PCDH11Y: variants seen among roughly 807,000 people sequenced by gnomAD.
PCDH11Y encodes the protein protocadherin-11 Y-linked.
For synonymous variants in PCDH11Y, 9 were observed against 83.6 expected (o/e 0.11, Z 4.87); for missense variants, 12 against 224.8 (o/e 0.05, Z 6.05).
At chrY:5,471,082 C>T in intron 2 of PCDH11Y, among the ~76,000 whole-genome samples, 1 of 32,363 alleles carries the variant, frequency 3.1e-5, no homozygotes, top group East Asian at 8.2e-4. Flanking sequence ...TTTTTTCAGC[C>T]GACCTAATAT....
intron 1 of PCDH11Y, chrY:5,031,074 A>G: frequency 3.7e-5 from 1 of 26,931 alleles, no homozygotes; most frequent in Non-Finnish European, 8.8e-5. Flanking sequence ...ACATGTGAGT[A>G]TTTAAATTTT....
At chrY:5,524,224 CAAA>C (rs2053384197) in intron 3 of PCDH11Y, among the ~76,000 whole-genome samples, 2 of 33,379 alleles carry the variant, frequency 6.0e-5, no homozygotes, top group African/African-American at 1.2e-4. Context: ...GAAGAACCTG[CAAA>C]CTCTGTAAGA....
intron 3 of PCDH11Y, among the ~76,000 whole-genome samples, chrY:5,574,815 T>A: frequency 3.1e-5 from 1 of 32,596 alleles, no homozygotes; most frequent in African/African-American, 1.2e-4. Context: ...CAAAACAGCA[T>A]GGTACTGGCA....
At chrY:5,255,988 G>T in intron 2 of PCDH11Y, among the ~76,000 whole-genome samples, 4 of 32,247 alleles carry the variant, frequency 1.2e-4, no homozygotes, top group African/African-American at 1.2e-4. Flanking sequence ...CCCATTCTGT[G>T]TGATGTCTCT....
intron 4 of PCDH11Y, among the ~76,000 whole-genome samples, chrY:5,695,736 C>CA (rs2053571941): frequency 5.0e-3 from 161 of 32,008 alleles, no homozygotes; most frequent in Non-Finnish European, 9.8e-3. Flanking sequence ...TTTGCATGAA[C>CA]AAAAAAAGCA....
intron 3 of PCDH11Y, among the ~76,000 whole-genome samples, chrY:5,047,196 A>G: frequency 5.9e-5 from 2 of 34,053 alleles, no homozygotes; most frequent in Non-Finnish European, 1.5e-4. Flanking sequence ...ATGAACTGCT[A>G]AGTTAAATAT....
At chrY:5,666,089 A>G in intron 4 of PCDH11Y, among the ~76,000 whole-genome samples, 1 of 33,831 alleles carries the variant, frequency 3.0e-5, no homozygotes, top group African/African-American at 1.2e-4. Context: ...AAGAGACCAC[A>G]TATCATCTAG....
At chrY:5,058,145 A>C in intron 1 of PCDH11Y, among the ~76,000 whole-genome samples, 1 of 33,128 alleles carries the variant, frequency 3.0e-5, no homozygotes, top group Non-Finnish European at 7.5e-5. Flanking sequence ...TTAACAAAAA[A>C]GAGTCAATCA....
chrY:5,530,099 CA>C (rs2053391419), intron 3 of PCDH11Y, among the ~76,000 whole-genome samples: 2 of 32,025 alleles, frequency 6.2e-5, no homozygotes, highest in Non-Finnish European at 1.5e-4. Flanking sequence ...TTTAGTTTAA[CA>C]TTATCTCATA....
At chrY:5,107,780 C>T, downstream of PCDH11Y, among the ~76,000 whole-genome samples, 1 of 33,441 alleles carries the variant, frequency 3.0e-5, no homozygotes, top group Non-Finnish European at 7.4e-5. Context: ...TAGTCATCGG[C>T]CGGGTGTGGT....
chrY:5,719,747 T>C (rs2124713943), intron 4 of PCDH11Y, among the ~76,000 whole-genome samples: 1 of 31,684 alleles, frequency 3.2e-5, no homozygotes, highest in Admixed American at 2.8e-4. Context: ...AGTGGAGTGA[T>C]GAGAAAAGAG....
At chrY:5,317,348 G>A in intron 2 of PCDH11Y, among the ~76,000 whole-genome samples, 5 of 33,077 alleles carry the variant, frequency 1.5e-4, no homozygotes, top group African/African-American at 2.4e-4. Flanking sequence ...CCCTTTCGCT[G>A]AGTGATTTCA....
intron 4 of PCDH11Y, among the ~76,000 whole-genome samples, chrY:5,602,578 T>G: frequency 3.1e-5 from 1 of 32,188 alleles, no homozygotes; most frequent in African/African-American, 1.2e-4. Context: ...ATCTCTTCTC[T>G]CATGATATTT....
At chrY:5,443,812 A>G (rs1602926504) in intron 2 of PCDH11Y, among the ~76,000 whole-genome samples, 1 of 33,153 alleles carries the variant, frequency 3.0e-5, no homozygotes, top group Non-Finnish European at 7.5e-5. Flanking sequence ...TTGCATCAAC[A>G]TGGATAGACG....
intron 2 of PCDH11Y, among the ~76,000 whole-genome samples, chrY:5,301,813 C>G: frequency 3.2e-5 from 1 of 31,538 alleles, no homozygotes; most frequent in East Asian, 8.3e-4. Context: ...TGAAGGTAAC[C>G]TGATTTTTTT....
In PCDH11Y at chrY:5,325,832, G is replaced by A. The variant is rs1287927890; in HGVS notation, c.3130-175225G>A. 1.3e-4 allele frequency among the ~76,000 whole-genome samples: 4 copies of A among 31,582 alleles called. No individual in the cohort carries two copies. In the East Asian group the frequency reaches 3.5e-3, roughly 28 times the overall value. 84.7% of individuals were successfully genotyped at this position (31,582 alleles called of 37,273 possible). A position where few individuals can be genotyped will look rare whatever the true frequency, so the allele number is the denominator to read the frequency against. On this transcript the variant is annotated intron_variant, in intron 2 of 4. Transcript: ENST00000400457. ...TGGGGGCACAGTCTAAGTTGGTCTGGTGTCTGGAATGAGACTGGGGCCTAA... is the reference window on the plus strand; with the variant it reads ...TGGGGGCACAGTCTAAGTTGGTCTGATGTCTGGAATGAGACTGGGGCCTAA...
chrY:5,528,739 C>G, intron 3 of PCDH11Y, among the ~76,000 whole-genome samples: 3 of 33,240 alleles, frequency 9.0e-5, no homozygotes, highest in South Asian at 1.3e-3. Flanking sequence ...TGTCAGTATT[C>G]ATTTGCATTA....
At chrY:5,501,497 A>G (rs2053354207) in intron 3 of PCDH11Y, among the ~76,000 whole-genome samples, 1 of 33,723 alleles carries the variant, frequency 3.0e-5, no homozygotes, top group Admixed American at 2.7e-4. Flanking sequence ...AGGCATAGAT[A>G]GAATTTTCCA....
At chrY:5,180,835 G>C in intron 2 of PCDH11Y, among the ~76,000 whole-genome samples, 1 of 32,934 alleles carries the variant, frequency 3.0e-5, no homozygotes, top group Non-Finnish European at 7.5e-5. Context: ...TGGGCCTCTT[G>C]AAGGCAGCAT....
Sources: allele counts gnomAD v4.1 joint callset (sites outside exome capture counted in the v4.1 genomes callset), GRCh38; gene constraint gnomAD v4.1.1; transcripts MANE v1.5; gene names NCBI Gene and HGNC (gene_info 2026-07-23, HGNC 2026-07-21).